The following DGKH variants were observed in gnomAD, a reference collection of about 807,000 sequenced individuals.
DGKH encodes DAG kinase eta.
DGKH carries 90 observed loss-of-function variants against 159.3 expected under a neutral mutation model. The ratio of observed to expected loss-of-function variants is 0.57; its 90% CI spans 0.48 to 0.67. The LOEUF (loss-of-function observed/expected upper bound fraction) is 0.67, where lower values mean the gene tolerates loss of function less well. Among genes scored for constraint, DGKH ranks in the 30% least tolerant of loss-of-function variants. The pLI is 0.00. For synonymous variants in DGKH, 536 were observed against 553.8 expected (o/e 0.97, Z 0.45); for missense variants, 1,181 against 1,506.1 (o/e 0.78, Z 3.57).
rs35902487 is a variant in DGKH at position 42,250,284 on chromosome 13, TAA to T, written n.4055-2114_4055-2113del. On this transcript the variant is annotated intron_variant and non_coding_transcript_variant, in intron 29 of 30. Transcript: ENST00000498255. ...ACGACCGGCCACTCCAGCTCCTATTTAAAAAAAAAAAAGTTTATAATTAACAC... is the reference window on the plus strand; with the variant it reads ...ACGACCGGCCACTCCAGCTCCTATTTAAAAAAAAAAGTTTATAATTAACAC... Among the ~76,000 whole-genome samples the T allele has an allele frequency of 9.5e-3, 1,377 of 145,506 alleles. 19 individuals are homozygous for T. Among genetic ancestry groups the T allele is most frequent in the African/African-American group, 0.032 (1,294 of 39,864 alleles).
chr13:42,189,218 C>T lies in DGKH; in HGVS notation c.1821C>T (p.Ser607=). The T allele has an allele frequency of 6.2e-7, 1 of 1,614,218 alleles. No individual in the cohort carries two copies. The highest frequency in any genetic ancestry group is 8.5e-7 in the Non-Finnish European group (1 of 1,180,052). Residue 607 remains serine (S), a synonymous_variant, in exon 15 of 30, where the codon TCC becomes TCT. Coordinates refer to ENST00000337343, the MANE Select transcript of DGKH (RefSeq NM_178009.5). ...EQLGDDVTKP[S]SQKAVKPREI... The stretch of plus-strand genomic sequence containing the variant: ...TTGGGGATGACGTTACAAAACCTTC[C>T]TCCCAGAAAGCCGTCAAACCAAGGG...
At chr13:42,112,380 C>T (rs1954880130) in intron 1 of DGKH, among the ~76,000 whole-genome samples, 1 of 148,268 alleles carries the variant, frequency 6.7e-6, no homozygotes, top group Admixed American at 6.8e-5. Context: ...ATCCTGGGCT[C>T]AAGCGATCCT....
chr13:42,158,949 TTCCCTCTC>T (rs1467060908), intron 5 of DGKH, among the ~76,000 whole-genome samples: 2 of 152,170 alleles, frequency 1.3e-5, no homozygotes, highest in East Asian at 1.9e-4. Context: ...TTTTATTTGC[TTCCCTCTC>T]TCCCTCTCTC....
In DGKH at chr13:42,117,214, A is replaced by G. The variant is rs781750316; in HGVS notation, c.193-10249A>G. Among the ~76,000 whole-genome samples the G allele has an allele frequency of 1.1e-4, 16 of 152,196 alleles. 1 individual carries two copies. Among genetic ancestry groups the G allele is most frequent in the Admixed American group, 9.8e-4 (15 of 15,274 alleles). ...ATAACTCTGATTATAACTATTTCTTATATTTGTTACTAACTTTGTTATTTT... is the reference window on the plus strand; with the variant it reads ...ATAACTCTGATTATAACTATTTCTTGTATTTGTTACTAACTTTGTTATTTT... On this transcript the variant is annotated intron_variant, in intron 1 of 29. Transcript: ENST00000337343.
At chr13:42,040,401 C>T (rs1017078795) in intron 1 of DGKH, among the ~76,000 whole-genome samples, 1 of 151,904 alleles carries the variant, frequency 6.6e-6, no homozygotes, top group Non-Finnish European at 1.5e-5. Context: ...CGCGGCCGCC[C>T]GGTGCCCGTG....
intron 13 of DGKH, among the ~76,000 whole-genome samples, chr13:42,185,595 A>G (rs1956898575): frequency 6.6e-6 from 1 of 152,246 alleles, no homozygotes; most frequent in African/African-American, 2.4e-5. Flanking sequence ...AATGGCAAGA[A>G]AAACCTCTAT....
At chr13:42,044,029 C>T (rs927113806), upstream of DGKH, 6 of 152,054 alleles carry the variant, frequency 3.9e-5, no homozygotes, top group South Asian at 2.1e-4. Context: ...TATAGATGGG[C>T]GTGGTGGTGC....
At chr13:42,127,364 A>T (rs1391299727) in intron 1 of DGKH, 99 bp from the exon 2 acceptor site, 1 of 833,084 alleles carries the variant, frequency 1.2e-6, no homozygotes, top group Non-Finnish European at 1.9e-6. Flanking sequence ...CATGAGAAAT[A>T]TTATTCAAAA....
rs1167497862 is a variant in DGKH, at chr13:42,238,246, T to C, written c.*9058T>C. 6.6e-6 allele frequency: 1 copy of C among 152,228 alleles called. No homozygotes were observed. Among genetic ancestry groups the C allele is most frequent in the Non-Finnish European group, 1.5e-5 (1 of 68,026 alleles). 9.4% of individuals were successfully genotyped at this position (152,228 alleles called of 1,614,324 possible). A position where few individuals can be genotyped will look rare whatever the true frequency, so the allele number is the denominator to read the frequency against. On this transcript the variant is annotated 3_prime_UTR_variant, in exon 30 of 30. Transcript: ENST00000337343. ...AGATAGACTTCCCAGACAGTGAGGT[T>C]AGAAATTAGAAGTTCAAATTGATAT...
chr13:42,066,392 G>A (rs1882577604), intron 1 of DGKH: 1 of 152,188 alleles, frequency 6.6e-6, no homozygotes, highest in African/African-American at 2.4e-5. Flanking sequence ...GAGGTGAAAG[G>A]TCGCATTTTC....
At chr13:42,069,867 A>G in intron 1 of DGKH, 2 of 775,498 alleles carry the variant, frequency 2.6e-6, no homozygotes, top group Non-Finnish European at 4.3e-6. Context: ...GATCCCCCAG[A>G]TACCTTTCCC....
intron 1 of DGKH, among the ~76,000 whole-genome samples, chr13:42,065,751 T>C (rs1225969301): frequency 1.3e-5 from 2 of 152,058 alleles, no homozygotes; most frequent in Middle Eastern, 3.4e-3. Flanking sequence ...CCCATCGGAG[T>C]AAGTAAGGGA....
intron 16 of DGKH, among the ~76,000 whole-genome samples, chr13:42,192,156 G>C (rs1472638039): frequency 6.6e-6 from 1 of 152,128 alleles, no homozygotes; most frequent in East Asian, 1.9e-4. Context: ...TTAACGGTGA[G>C]AGAATATTTC....
chr13:42,067,426 A>G (rs1311174064), intron 1 of DGKH, among the ~76,000 whole-genome samples: 1 of 152,190 alleles, frequency 6.6e-6, no homozygotes, highest in African/African-American at 2.4e-5. Context: ...GAATTTGAAG[A>G]TAGAACACAG....
intron 3 of DGKH, among the ~76,000 whole-genome samples, chr13:42,137,728 T>A (rs1357884196): frequency 6.6e-6 from 1 of 152,232 alleles, no homozygotes. Flanking sequence ...GGCACTGTAC[T>A]TTAAAGAGAA....
intron 1 of DGKH, among the ~76,000 whole-genome samples, chr13:42,117,257 G>A (rs182091559): frequency 2.6e-5 from 4 of 152,040 alleles, no homozygotes; most frequent in Non-Finnish European, 5.9e-5. Context: ...CATTAATATC[G>A]AATATAATAG....
At position 42,236,353 on chromosome 13, in the gene DGKH, C is replaced by T. The variant is rs963255989; in HGVS notation, c.*7165C>T. The T allele has an allele frequency of 6.6e-6, 1 of 151,886 alleles. No homozygotes were observed. Among genetic ancestry groups the T allele is most frequent in the African/African-American group, 2.4e-5 (1 of 41,208 alleles). 9.4% of individuals were successfully genotyped at this position (151,886 alleles called of 1,614,324 possible). A position where few individuals can be genotyped will look rare whatever the true frequency, so the allele number is the denominator to read the frequency against. On this transcript the variant is annotated 3_prime_UTR_variant, in exon 30 of 30. Transcript: ENST00000337343. ...GCCCAACTATTTTCCTTTTAAAAAA[C>T]TGTATTCTTTACTGCAATAGATAGC...
chr13:42,136,062 G>A (rs1248792604), intron 3 of DGKH, among the ~76,000 whole-genome samples: 1 of 152,140 alleles, frequency 6.6e-6, no homozygotes, highest in Non-Finnish European at 1.5e-5. Flanking sequence ...CTAAATCCCA[G>A]TTTCCTCAAC....
intron 1 of DGKH, among the ~76,000 whole-genome samples, chr13:42,092,343 A>G (rs1040027046): frequency 6.6e-6 from 1 of 152,236 alleles, no homozygotes; most frequent in African/African-American, 2.4e-5. Context: ...CAACCGAAGT[A>G]TTCATCAATG....
Sources: allele counts gnomAD v4.1 joint callset (sites outside exome capture counted in the v4.1 genomes callset), GRCh38; gene constraint gnomAD v4.1.1; transcripts MANE v1.5; gene names NCBI Gene and HGNC (gene_info 2026-07-23, HGNC 2026-07-21).